DISP3: variants seen among roughly 807,000 people sequenced by gnomAD.
DISP3 encodes dispatched RND transporter family member 3, also known as protein dispatched homolog 3.
A neutral mutation model predicts 135.3 loss-of-function variants in DISP3; 101 were observed. The ratio of observed to expected loss-of-function variants is 0.75; its 90% CI spans 0.64 to 0.88. The LOEUF (loss-of-function observed/expected upper bound fraction) is 0.88. DISP3 is among the 40% of genes least tolerant of loss of function. The pLI is 0.00. For missense variants in DISP3, 1,713 were observed against 1,878.6 expected (o/e 0.91, Z 1.63); for synonymous variants, 856 against 817.0 (o/e 1.05, Z -0.81).
At chr1:11,480,185 C>G (rs913936694) in intron 1 of DISP3, among the ~76,000 whole-genome samples, 3 of 152,182 alleles carry the variant, frequency 2.0e-5, no homozygotes, top group African/African-American at 7.2e-5. Context: ...GCTCCACGGC[C>G]GGCGCCAGCT....
Position 11,531,524 on chromosome 1 carries a change from C to T in DISP3, c.3230-41C>T. ...GTGTGATGCAGGGGGACAGGCTCTTCCAGGGCCACCACGCACTCCCTTTCT... is the reference window on the plus strand; with the variant it reads ...GTGTGATGCAGGGGGACAGGCTCTTTCAGGGCCACCACGCACTCCCTTTCT... On this transcript the variant is annotated intron_variant, in intron 16 of 20. Coordinates refer to ENST00000294484, the MANE Select transcript of DISP3 (RefSeq NM_020780.2). This position sits in a 1 kb window ranked among gnomAD's most constrained non-coding sequence, Gnocchi z 5.2. The T allele has an allele frequency of 6.2e-7, 1 of 1,612,650 alleles. No homozygotes were observed.
In DISP3 at chr1:11,531,093, A is replaced by G; in HGVS notation, c.3229+60A>G. The G allele has an allele frequency of 1.2e-6, 2 of 1,601,852 alleles. No homozygotes were observed. Among genetic ancestry groups the G allele is most frequent in the South Asian group, 2.2e-5 (2 of 90,384 alleles). ...GAGGATGGACTGACTGGGGAGGCAC[A>G]GAGGCCGTGGTCCAAGGTAGACAGC... On this transcript the variant is annotated intron_variant, in intron 16 of 20. Coordinates refer to ENST00000294484, the MANE Select transcript of DISP3 (RefSeq NM_020780.2). The surrounding 1 kb of genome is among the most constrained non-coding windows in gnomAD (Gnocchi z 5.2).
At position 11,537,527 on chromosome 1, in the gene DISP3, G is replaced by A. The variant is rs1642739934; in HGVS notation, c.*841G>A. ...GGCCGCCTGCTCACGGCAGAAGGTT[G>A]CTATTAAAATGACATAGGATTGCAG... On this transcript the variant is annotated 3_prime_UTR_variant, in exon 21 of 21. Coordinates refer to ENST00000294484, the MANE Select transcript of DISP3 (RefSeq NM_020780.2). 1 of 152,330 alleles carries A rather than the reference G, an allele frequency of 6.6e-6. No individual in the cohort carries two copies. Among genetic ancestry groups the A allele is most frequent in the South Asian group, 2.1e-4 (1 of 4,838 alleles). 9.4% of individuals were successfully genotyped at this position (152,330 alleles called of 1,614,324 possible). A position where few individuals can be genotyped will look rare whatever the true frequency, so the allele number is the denominator to read the frequency against.
chr1:11,515,696 G>C (rs2745263), intron 5 of DISP3, among the ~76,000 whole-genome samples, 193 bp downstream of exon 5: 7,144 of 152,292 alleles, frequency 0.047, 539 homozygotes, highest in African/African-American at 0.16. Flanking sequence ...GGAGAGAGCA[G>C]GAAGGTTTGC....
rs1642171672 is a variant in DISP3, at chr1:11,520,992, A to C, written c.2362+144A>C. 9.2e-7 allele frequency: 1 copy of C among 1,082,070 alleles called. No homozygotes were observed. Among genetic ancestry groups the C allele is most frequent in the Admixed American group, 2.8e-5 (1 of 35,958 alleles). The allele number at this position is 1,082,070 out of a possible 1,614,324, so 67.0% of individuals were successfully genotyped here. ...CTCCCCTCTGAGCCCCCATGTTCCC[A>C]CAGTTCATTCAACAGATGCCTGCTG... On this transcript the variant is annotated intron_variant, in intron 10 of 20. Transcript: ENST00000294484. The surrounding 1 kb of genome is among the most constrained non-coding windows in gnomAD (Gnocchi z 4.8).
chr1:11,529,413 GAAC>G lies in DISP3; in HGVS notation c.2799-140_2799-138del. 9.6e-7 allele frequency: 1 copy of G among 1,042,176 alleles called. No homozygotes were observed. The highest frequency in any genetic ancestry group is 1.4e-6 in the Non-Finnish European group (1 of 717,780). The allele number at this position is 1,042,176 out of a possible 1,614,324, so 64.6% of individuals were successfully genotyped here. On this transcript the variant is annotated intron_variant, in intron 13 of 20. Coordinates refer to ENST00000294484, the MANE Select transcript of DISP3 (RefSeq NM_020780.2). The surrounding 1 kb of genome is among the most constrained non-coding windows in gnomAD (Gnocchi z 4.7). Reference sequence around the variant, plus strand: ...GCACATCCCCCAGCCCTCAACCTGAGAACAAATCCCCATGCCGGGGCAGAGCCC... The same window carrying G: ...GCACATCCCCCAGCCCTCAACCTGAGAAATCCCCATGCCGGGGCAGAGCCC...
intron 1 of DISP3, among the ~76,000 whole-genome samples, chr1:11,485,685 A>T (rs1365224874): frequency 6.6e-6 from 1 of 152,204 alleles, no homozygotes; most frequent in African/African-American, 2.4e-5. Flanking sequence ...AATGATCATG[A>T]TAATAACAGT....
At chr1:11,490,442 T>C (rs1641152117) in intron 1 of DISP3, among the ~76,000 whole-genome samples, 1 of 152,168 alleles carries the variant, frequency 6.6e-6, no homozygotes, top group Admixed American at 6.5e-5. Context: ...TAATTTTTTG[T>C]ATTTTTAGTA....
chr1:11,485,097 G>A (rs1225256326), intron 1 of DISP3, among the ~76,000 whole-genome samples: 3 of 152,074 alleles, frequency 2.0e-5, no homozygotes, highest in Non-Finnish European at 4.4e-5. Context: ...GCTCATCAGA[G>A]TCCCCATTCC....
rs776490796 is a variant in DISP3, at chr1:11,501,862, C to A, written c.870C>A (p.Phe290Leu). The change falls in exon 2 of 21, where the codon TTC becomes TTA. Residue 290 changes from phenylalanine to leucine, a missense_variant. Physicochemically the swap from Phe to Leu is conservative, Grantham distance 22 (BLOSUM62 0). Transcript: ENST00000294484. The surrounding 1 kb of genome is among the most constrained non-coding windows in gnomAD (Gnocchi z 4.9). ...GCGGCGACGCGGAGCGCAACATTTT[C>A]ACCAGTGAGCGCCTGGTCACGATCC... ...LARGDAERNIFTSERLVTIHE... is the reference protein window; with the variant it reads ...LARGDAERNILTSERLVTIHE... 6 of 1,612,900 alleles carry A rather than the reference C, an allele frequency of 3.7e-6. No individual in the cohort carries two copies. Among genetic ancestry groups the A allele is most frequent in the Non-Finnish European group, 5.1e-6 (6 of 1,179,644 alleles).
Position 11,533,072 on chromosome 1 carries a change from A to G in DISP3, c.3376-1309A>G, listed in dbSNP as rs372234964. Reference sequence around the variant, plus strand: ...TTCACACTGTTATGCAACCATTACCATCATCTACTTGCAGAACTTTGTCTT... The same window carrying G: ...TTCACACTGTTATGCAACCATTACCGTCATCTACTTGCAGAACTTTGTCTT... On this transcript the variant is annotated intron_variant, in intron 17 of 20. Coordinates refer to ENST00000294484, the MANE Select transcript of DISP3 (RefSeq NM_020780.2). Among the ~76,000 whole-genome samples, 35 of 151,770 alleles carry G rather than the reference A, an allele frequency of 2.3e-4. No individual in the cohort carries two copies. The South Asian group carries it at 6.7e-3, about 29-fold the overall frequency.
chr1:11,531,066 G>T lies in DISP3; in HGVS notation c.3229+33G>T. 6.2e-7 allele frequency: 1 copy of T among 1,610,330 alleles called. No homozygotes were observed. Among genetic ancestry groups the T allele is most frequent in the African/African-American group, 1.3e-5 (1 of 75,036 alleles). On this transcript the variant is annotated intron_variant, in intron 16 of 20. Transcript: ENST00000294484. This position sits in a 1 kb window ranked among gnomAD's most constrained non-coding sequence, Gnocchi z 5.2. ...GGGTGTGGGGAGCTGGTTCCTCCGA[G>T]GGAGGATGGACTGACTGGGGAGGCA...
At chr1:11,488,637 CTG>C (rs5772457) in intron 1 of DISP3, among the ~76,000 whole-genome samples, 3,922 of 146,368 alleles carry the variant, frequency 0.027, 90 homozygotes, top group South Asian at 0.088. Context: ...GGCAGATGCT[CTG>C]TGTGTGTGTG....
chr1:11,486,206 C>G (rs1018566304), intron 1 of DISP3, among the ~76,000 whole-genome samples: 1 of 152,136 alleles, frequency 6.6e-6, no homozygotes, highest in Non-Finnish European at 1.5e-5. Context: ...GACTTGCACC[C>G]CTCTGGACAT....
chr1:11,518,368 A>G (rs1215272554), intron 7 of DISP3, among the ~76,000 whole-genome samples: 1 of 152,138 alleles, frequency 6.6e-6, no homozygotes, highest in African/African-American at 2.4e-5. Context: ...AGCTCTCCCC[A>G]CTCACATCTT....
Position 11,483,556 on chromosome 1 carries a change from T to A in DISP3, c.-4+4184T>A, listed in dbSNP as rs151059133. Among the ~76,000 whole-genome samples the A allele has an allele frequency of 6.6e-6, 1 of 152,364 alleles. No homozygotes were observed. Among genetic ancestry groups the A allele is most frequent in the African/African-American group, 2.4e-5 (1 of 41,586 alleles). ...TCTGAATGAAGCAAAAACCCCCATTTTGCCAAGTACCCTGTATTGTTTTGG... is the reference window on the plus strand; with the variant it reads ...TCTGAATGAAGCAAAAACCCCCATTATGCCAAGTACCCTGTATTGTTTTGG... On this transcript the variant is annotated intron_variant, in intron 1 of 20. Transcript: ENST00000294484. The surrounding 1 kb of genome is among the most constrained non-coding windows in gnomAD (Gnocchi z 5.4).
intron 15 of DISP3, among the ~76,000 whole-genome samples, 196 bp from the exon 16 acceptor site, chr1:11,530,711 G>A (rs187509700): frequency 6.6e-6 from 1 of 152,210 alleles, no homozygotes; most frequent in Admixed American, 6.5e-5. Flanking sequence ...GGCAGTGATG[G>A]GAGCAGATGT....
intron 17 of DISP3, among the ~76,000 whole-genome samples, chr1:11,532,895 G>A (rs1379914965): frequency 6.6e-6 from 1 of 151,884 alleles, no homozygotes; most frequent in African/African-American, 2.4e-5. Flanking sequence ...TGGTAGAGAC[G>A]GGGTTTCACC....
chr1:11,504,514 G>A (rs903110043), intron 3 of DISP3, among the ~76,000 whole-genome samples: 5 of 152,326 alleles, frequency 3.3e-5, no homozygotes, highest in Non-Finnish European at 4.4e-5. Flanking sequence ...TTTGTCCCCC[G>A]CAAAACTCAG....
Sources: gnomAD v4.1 joint callset for allele counts (sites outside exome capture counted in the v4.1 genomes callset) on GRCh38, gnomAD v4.1.1 for gene constraint, Gnocchi (gnomAD v3.1) non-coding constraint, MANE v1.5 for transcripts, NCBI Gene and HGNC (gene_info 2026-07-23, HGNC 2026-07-21) for gene names.